SLC26A3: variants seen among roughly 807,000 people sequenced by gnomAD.
The protein encoded by SLC26A3 is chloride anion exchanger.
SLC26A3 carries 64 observed loss-of-function variants against 85.6 expected under a neutral mutation model. The ratio of observed to expected loss-of-function variants is 0.75; its 90% CI spans 0.61 to 0.92. The LOEUF (loss-of-function observed/expected upper bound fraction) is 0.92. Ranked by LOEUF, SLC26A3 falls within the 40% of genes least tolerant of loss-of-function variation. The pLI is 0.00. For missense variants in SLC26A3, 922 were observed against 927.3 expected, an observed-to-expected ratio of 0.99 and a Z score of 0.07; for synonymous variants, 349 against 336.0, an observed-to-expected ratio of 1.04 and a Z score of -0.42.
rs1222485280 is a variant in SLC26A3 at position 107,794,408 on chromosome 7, T to C, written c.102A>G (p.Thr34=). 3 of 1,613,920 alleles carry C rather than the reference T, an allele frequency of 1.9e-6. No individual in the cohort carries two copies. Among genetic ancestry groups the C allele is most frequent in the Non-Finnish European group, 2.5e-6 (3 of 1,179,918 alleles). Residue 34 remains threonine, a synonymous_variant, in exon 2 of 21, where the codon ACA becomes ACG. Transcript: ENST00000340010. ...AACACACTTTGAGATGATCCAGAAA[T>C]GTCTTATGATGTCTTCCTGTCTTTT... ...NHKKTGRHHK[T]FLDHLKVCCS...
At chr7:107,789,501 T>G (rs772464909) in intron 6 of SLC26A3, 23 bp downstream of exon 6, 2 of 1,608,976 alleles carry the variant, frequency 1.2e-6, no homozygotes, top group Non-Finnish European at 1.7e-6. Context: ...TTTCAGTATT[T>G]TTTAGGTGAA....
chr7:107,791,045 C>G lies in SLC26A3; in HGVS notation c.570+3G>C, dbSNP rs1267584403. ...TGGGCAAGTTACATGAGAAGGTGCT[C>G]ACCTGGATGATTCCAGAAAGCACTG... On this transcript the variant is annotated splice_donor_region_variant and intron_variant, in intron 5 of 20. Coordinates refer to ENST00000340010, the MANE Select transcript of SLC26A3 (RefSeq NM_000111.3). 1 of 1,613,354 alleles carries G rather than the reference C, an allele frequency of 6.2e-7. No individual in the cohort carries two copies. Among genetic ancestry groups the G allele is most frequent in the Admixed American group, 1.7e-5 (1 of 60,004 alleles).
rs1012770838 is a variant in SLC26A3 at position 107,781,540 on chromosome 7, T to C, written c.1311+1257A>G. On this transcript the variant is annotated intron_variant, in intron 11 of 20. Transcript: ENST00000340010. Reference sequence around the variant, plus strand: ...AAGCATGAGAGGGTGGAGTTCTCTCTGTAGGGGTGAGTGTGTGTGCGTTTA... The same window carrying C: ...AAGCATGAGAGGGTGGAGTTCTCTCCGTAGGGGTGAGTGTGTGTGCGTTTA... Among the ~76,000 whole-genome samples the C allele has an allele frequency of 2.0e-5, 3 of 152,314 alleles. No individual in the cohort carries two copies. In the South Asian group the frequency reaches 6.2e-4, roughly 32 times the overall value.
chr7:107,803,066 A>G (rs1418966076), intron 1 of SLC26A3, 45 bp downstream of exon 1: 1 of 152,334 alleles, frequency 6.6e-6, no homozygotes, highest in African/African-American at 2.4e-5. Context: ...TTTTCAAGGA[A>G]CAGAAAACCA....
chr7:107,770,038 C>CTTTCTTTCTTTCTT lies in SLC26A3; in HGVS notation c.2062+2015_2062+2016insAAGAAAGAAAGAAA, dbSNP rs1554377141. 4.5e-3 allele frequency among the ~76,000 whole-genome samples: 340 copies of CTTTCTTTCTTTCTT among 76,396 alleles called. 1 individual carries two copies. The highest frequency in any genetic ancestry group is 5.6e-3 in the Non-Finnish European group (209 of 37,518). 50.1% of individuals were successfully genotyped at this position (76,396 alleles called of 152,430 possible). A position where few individuals can be genotyped will look rare whatever the true frequency, so the allele number is the denominator to read the frequency against. The stretch of plus-strand genomic sequence containing the variant: ...TCTTTCTTTCTTTCTTTCTTTCTTT[C>CTTTCTTTCTTTCTT]TTTCTTTCTTTCTCTTTTCTTTCTT... On this transcript the variant is annotated intron_variant, in intron 18 of 20. Coordinates refer to ENST00000340010, the MANE Select transcript of SLC26A3 (RefSeq NM_000111.3).
At chr7:107,788,937 C>T (rs1794346209) in intron 6 of SLC26A3, among the ~76,000 whole-genome samples, 1 of 151,414 alleles carries the variant, frequency 6.6e-6, no homozygotes, top group Non-Finnish European at 1.5e-5. Context: ...CATGCACCAC[C>T]ATGCCCGGCT....
In SLC26A3 at chr7:107,779,656, G is replaced by T; in HGVS notation, c.1407+12C>A. 5.7e-6 allele frequency: 9 copies of T among 1,582,360 alleles called. No homozygotes were observed. Among genetic ancestry groups the T allele is most frequent in the Non-Finnish European group, 6.1e-6 (7 of 1,151,246 alleles). ...ATTTATCTCTCTTTCAAATACTATTGCCTCTACTTACACAATCATATTTGT... is the reference window on the plus strand; with the variant it reads ...ATTTATCTCTCTTTCAAATACTATTTCCTCTACTTACACAATCATATTTGT... On this transcript the variant is annotated intron_variant, in intron 12 of 20. Coordinates refer to ENST00000340010, the MANE Select transcript of SLC26A3 (RefSeq NM_000111.3).
At chr7:107,797,387 G>A (rs1004258680) in intron 1 of SLC26A3, among the ~76,000 whole-genome samples, 5 of 152,122 alleles carry the variant, frequency 3.3e-5, no homozygotes, top group Admixed American at 1.3e-4. Flanking sequence ...TGAGTTACTC[G>A]GGAGGCTGAG....
At position 107,783,242 on chromosome 7, in the gene SLC26A3, T is replaced by C. The variant is rs1584407007; in HGVS notation, c.1082A>G (p.Tyr361Cys). 2 of 1,614,204 alleles carry C rather than the reference T, an allele frequency of 1.2e-6. No homozygotes were observed. Among genetic ancestry groups the C allele is most frequent in the Non-Finnish European group, 1.7e-6 (2 of 1,180,030 alleles). ...AAGTGGATAATCGTATTTGAGGGAATAGACGCTGGCAACTGAAAAGGCCAC... is the reference window on the plus strand; with the variant it reads ...AAGTGGATAATCGTATTTGAGGGAACAGACGCTGGCAACTGAAAAGGCCAC... ...FAVAFSVASV[Y>C]SLKYDYPLDG... is the part of the protein sequence containing the mutation. Residue 361 changes from tyrosine to cysteine, a missense_variant, in exon 9 of 21, where the codon TAT becomes TGT. Transcript: ENST00000340010.
At chr7:107,795,809 G>A (rs1324407481) in intron 1 of SLC26A3, among the ~76,000 whole-genome samples, 2 of 151,762 alleles carry the variant, frequency 1.3e-5, no homozygotes, top group East Asian at 3.9e-4. Flanking sequence ...GTGATTAATT[G>A]AATTATCTCA....
rs537554803 is a variant in SLC26A3 at position 107,794,586 on chromosome 7, G to C, written c.-77C>G. On this transcript the variant is annotated 5_prime_UTR_variant, in exon 2 of 21. Transcript: ENST00000340010. The stretch of plus-strand genomic sequence containing the variant: ...TGAACACTTCTTCTTGCCTTTAGCA[G>C]GTTAAAAATGCCTGAAACCAAACAG... The C allele has an allele frequency of 2.6e-5, 40 of 1,525,160 alleles. 1 individual carries two copies. The Admixed American group carries it at 6.5e-4, about 25-fold the overall frequency. The allele number at this position is 1,525,160 out of a possible 1,614,324, so 94.5% of individuals were successfully genotyped here.
At chr7:107,781,096 C>T (rs894025395) in intron 11 of SLC26A3, among the ~76,000 whole-genome samples, 13 of 151,944 alleles carry the variant, frequency 8.6e-5, no homozygotes, top group East Asian at 1.9e-4. Context: ...AAGTAATTTA[C>T]GATGACATAC....
At chr7:107,769,896 C>T (rs1427769886) in intron 18 of SLC26A3, among the ~76,000 whole-genome samples, 1 of 152,088 alleles carries the variant, frequency 6.6e-6, no homozygotes, top group Non-Finnish European at 1.5e-5. Flanking sequence ...AGGTTGACTG[C>T]CTCACTTCGT....
At chr7:107,780,310 A>C (rs1219763398) in intron 11 of SLC26A3, among the ~76,000 whole-genome samples, 1 of 152,144 alleles carries the variant, frequency 6.6e-6, no homozygotes, top group Non-Finnish European at 1.5e-5. Flanking sequence ...GAGGGGCTTT[A>C]AAATTAGTCA....
Position 107,772,111 on chromosome 7 carries a change from G to A in SLC26A3, c.2008-3C>T, listed in dbSNP as rs1794039151. On this transcript the variant is annotated splice_region_variant and splice_polypyrimidine_tract_variant and intron_variant, in intron 17 of 20. Coordinates refer to ENST00000340010, the MANE Select transcript of SLC26A3 (RefSeq NM_000111.3). ...ATCCTGATAAATTCTTGCAAAATCT[G>A]TTAAAAAGAAAAGTATATCTTCCTT... is the stretch of plus-strand genomic sequence containing the variant. The A allele has an allele frequency of 6.3e-7, 1 of 1,586,280 alleles. No individual in the cohort carries two copies. Among genetic ancestry groups the A allele is most frequent in the Middle Eastern group, 1.7e-4 (1 of 6,002 alleles).
At chr7:107,793,227 C>A (rs1237051827) in intron 3 of SLC26A3, among the ~76,000 whole-genome samples, 1 of 152,170 alleles carries the variant, frequency 6.6e-6, no homozygotes, top group East Asian at 1.9e-4. Context: ...CCAGCAATTA[C>A]AATCCTAGTG....
chr7:107,773,420 T>G (rs1452264976), intron 17 of SLC26A3, among the ~76,000 whole-genome samples: 1 of 152,220 alleles, frequency 6.6e-6, no homozygotes, highest in African/African-American at 2.4e-5. Context: ...TTCAATATAG[T>G]ACCCAGTCTC....
At chr7:107,795,975 A>G (rs1220065237) in intron 1 of SLC26A3, among the ~76,000 whole-genome samples, 1 of 151,360 alleles carries the variant, frequency 6.6e-6, no homozygotes, top group East Asian at 1.9e-4. Context: ...CTCCCATCCC[A>G]TTTTCTAGTT....
At position 107,787,644 on chromosome 7, in the gene SLC26A3, C is replaced by T. The variant is rs1425467093; in HGVS notation, c.736-135G>A. The T allele has an allele frequency of 5.4e-6, 4 of 743,140 alleles. No homozygotes were observed. In the African/African-American group the frequency reaches 7.1e-5, roughly 13 times the overall value. 46.0% of individuals were successfully genotyped at this position (743,140 alleles called of 1,614,324 possible). ...GACTGATAGTGATTTCCTGTATTGC[C>T]CCGGTTTAATTGTGAATGTGAAATT... On this transcript the variant is annotated intron_variant, in intron 6 of 20. Transcript: ENST00000340010.
Sources: gnomAD v4.1 joint callset for allele counts (sites outside exome capture counted in the v4.1 genomes callset) on GRCh38, gnomAD v4.1.1 for gene constraint, MANE v1.5 for transcripts, NCBI Gene and HGNC (gene_info 2026-07-23, HGNC 2026-07-21) for gene names.